The following THADA variants were observed in gnomAD, a reference collection of about 807,000 sequenced individuals.
THADA encodes the protein tRNA (32-2'-O)-methyltransferase regulator THADA.
THADA carries 213 observed loss-of-function variants against 219.8 expected under a neutral mutation model. The ratio of observed to expected loss-of-function variants is 0.97; its 90% CI spans 0.87 to 1.09. The LOEUF is 1.09. THADA is among the 50% of genes least tolerant of loss of function. THADA has a pLI of 0.00. For synonymous variants in THADA, 1,018 were observed against 828.9 expected, an observed-to-expected ratio of 1.23 and a Z score of -3.92; for missense variants, 2,956 against 2,311.3, an observed-to-expected ratio of 1.28 and a Z score of -5.72.
rs993985941 is a variant in THADA at position 43,476,918 on chromosome 2, C to T, written c.3836+8316G>A. Among the ~76,000 whole-genome samples the T allele has an allele frequency of 2.0e-5, 3 of 152,046 alleles. No homozygotes were observed. The East Asian group carries it at 5.8e-4, about 29-fold the overall frequency. ...TATAAAGTTCATTCTCTCAAAGAGG[C>T]ATTTTGGTTATTATAGAATTTTTAA... On this transcript the variant is annotated intron_variant, in intron 26 of 37. Coordinates refer to ENST00000405975, the MANE Select transcript of THADA (RefSeq NM_022065.5).
intron 26 of THADA, among the ~76,000 whole-genome samples, chr2:43,464,102 A>C (rs1683951832): frequency 6.6e-6 from 1 of 152,216 alleles, no homozygotes; most frequent in African/African-American, 2.4e-5. Flanking sequence ...TAGAAGAAAT[A>C]AATCCACTTT....
chr2:43,462,080 CGGG>C, intron 26 of THADA, among the ~76,000 whole-genome samples: 1 of 152,222 alleles, frequency 6.6e-6, no homozygotes, highest in South Asian at 2.1e-4. Context: ...AAGGGGATTT[CGGG>C]CTGCATTTTA....
At chr2:43,248,782 G>A (rs926236723) in intron 36 of THADA, among the ~76,000 whole-genome samples, 5 of 152,050 alleles carry the variant, frequency 3.3e-5, no homozygotes, top group African/African-American at 1.2e-4. Context: ...GGAGCGGCCC[G>A]GGCCGCTTCC....
At chr2:43,553,153 T>C (rs923595918) in intron 17 of THADA, among the ~76,000 whole-genome samples, 12 of 152,326 alleles carry the variant, frequency 7.9e-5, no homozygotes, top group South Asian at 2.1e-4. Context: ...CATTCATCTG[T>C]TGACAGACGT....
intron 30 of THADA, among the ~76,000 whole-genome samples, chr2:43,338,532 C>A (rs1666738607): frequency 6.6e-6 from 1 of 152,146 alleles, no homozygotes; most frequent in African/African-American, 2.4e-5. Flanking sequence ...CTCTCTGTAG[C>A]CCCTGGCAAC....
At chr2:43,338,630 G>A (rs1437191156) in intron 30 of THADA, among the ~76,000 whole-genome samples, 1 of 151,960 alleles carries the variant, frequency 6.6e-6, no homozygotes, top group African/African-American at 2.4e-5. Context: ...TTTGTGATTG[G>A]CTTATTTCGC....
chr2:43,367,150 A>G (rs1670250451), intron 29 of THADA, among the ~76,000 whole-genome samples: 2 of 152,130 alleles, frequency 1.3e-5, no homozygotes, highest in Admixed American at 1.3e-4. Flanking sequence ...GACACAAGAA[A>G]ATAGAATGGT....
intron 28 of THADA, among the ~76,000 whole-genome samples, chr2:43,420,454 A>G (rs1023403439): frequency 6.6e-6 from 1 of 152,238 alleles, no homozygotes; most frequent in African/African-American, 2.4e-5. Context: ...AACTTCTAGT[A>G]TGAATGGCAG....
At chr2:43,430,630 T>C in intron 26 of THADA, 1 of 462,130 alleles carries the variant, frequency 2.2e-6, no homozygotes, top group Non-Finnish European at 4.3e-6. Context: ...ATAAGTAGAG[T>C]CAACACCAGA....
chr2:43,384,080 G>C (rs1275834507), intron 29 of THADA, among the ~76,000 whole-genome samples: 2 of 152,144 alleles, frequency 1.3e-5, no homozygotes, highest in Non-Finnish European at 2.9e-5. Context: ...GTGATAGTAA[G>C]AGTTAACTTC....
At chr2:43,495,227 G>A (rs1408754364) in intron 25 of THADA, among the ~76,000 whole-genome samples, 2 of 152,012 alleles carry the variant, frequency 1.3e-5, no homozygotes, top group Non-Finnish European at 2.9e-5. Context: ...TTATACAGAA[G>A]AAAATATAAC....
intron 29 of THADA, among the ~76,000 whole-genome samples, chr2:43,362,317 A>G (rs568361303): frequency 6.6e-6 from 1 of 152,202 alleles, no homozygotes; most frequent in African/African-American, 2.4e-5. Flanking sequence ...TTAAAATTCC[A>G]TAATTTTTGA....
At chr2:43,548,380 C>A (rs1028526003) in intron 20 of THADA, among the ~76,000 whole-genome samples, 2 of 152,212 alleles carry the variant, frequency 1.3e-5, no homozygotes, top group African/African-American at 2.4e-5. Flanking sequence ...GCTGGGAGAA[C>A]CGCTGCTCTC....
chr2:43,333,264 C>T (rs1022593643), intron 30 of THADA: 1 of 152,148 alleles, frequency 6.6e-6, no homozygotes, highest in Admixed American at 6.5e-5. Flanking sequence ...CCTGAGACGT[C>T]TGAAAGGGAA....
intron 20 of THADA, among the ~76,000 whole-genome samples, chr2:43,543,074 C>T (rs371816762): frequency 2.8e-5 from 4 of 140,662 alleles, no homozygotes; most frequent in East Asian, 2.2e-4. Context: ...CCTTCCTGTG[C>T]CCATGTGTTC....
intron 21 of THADA, among the ~76,000 whole-genome samples, chr2:43,535,168 C>CTTTTTTTTTTT (rs549879408): frequency 6.3e-4 from 33 of 52,544 alleles, no homozygotes; most frequent in East Asian, 1.3e-3. Context: ...ATCATTTGTC[C>CTTTTTTTTTTT]TTTTTTTTTT....
chr2:43,496,284 T>C (rs1688270589), intron 25 of THADA, among the ~76,000 whole-genome samples: 1 of 152,190 alleles, frequency 6.6e-6, no homozygotes, highest in Non-Finnish European at 1.5e-5. Context: ...ATAATGTTTC[T>C]CCCAGAAATC....
Position 43,325,338 on chromosome 2 carries a change from A to G in THADA, c.4344-4798T>C, listed in dbSNP as rs73923571. Among the ~76,000 whole-genome samples the G allele has an allele frequency of 5.7e-3, 868 of 151,876 alleles. 10 individuals carry two copies. The highest frequency in any genetic ancestry group is 0.02 in the African/African-American group (844 of 41,404). ...TTTGTTTTGTTTTTAACTGAGGCCT[A>G]TTCATTCAGGAAACATTTATTAAGA... On this transcript the variant is annotated intron_variant, in intron 30 of 37. Transcript: ENST00000405975.
intron 15 of THADA, chr2:43,562,707 G>T (rs780738443): frequency 6.6e-6 from 1 of 152,164 alleles, no homozygotes; most frequent in African/African-American, 2.4e-5. Flanking sequence ...GAAGTCACTT[G>T]CCCTGAACCT....
Sources: allele counts gnomAD v4.1 joint callset (sites outside exome capture counted in the v4.1 genomes callset), GRCh38; gene constraint gnomAD v4.1.1; transcripts MANE v1.5; gene names NCBI Gene and HGNC (gene_info 2026-07-23, HGNC 2026-07-21).